The following CNTNAP2 variants were observed in gnomAD, a reference collection of about 807,000 sequenced individuals.
CNTNAP2 encodes the protein contactin-associated protein-like 2.
Under a neutral mutation model 155.2 loss-of-function variants are expected in CNTNAP2, and 98 were observed. That is an observed-to-expected ratio of 0.63 (90% CI 0.54 to 0.75). The LOEUF is 0.75. CNTNAP2 is among the 30% of genes least tolerant of loss of function. The pLI is 0.00. For missense variants in CNTNAP2, 1,727 were observed against 1,688.1 expected (o/e 1.02, Z -0.40); for synonymous variants, 651 against 631.2 (o/e 1.03, Z -0.47).
At chr7:148,131,849 TAAAA>T in intron 16 of CNTNAP2, among the ~76,000 whole-genome samples, 1 of 146,450 alleles carries the variant, frequency 6.8e-6, no homozygotes, top group South Asian at 2.2e-4. Flanking sequence ...AAGCTGGCTT[TAAAA>T]AAAAAAAGTA....
At chr7:148,326,296 A>T (rs932213743) in intron 21 of CNTNAP2, among the ~76,000 whole-genome samples, 1 of 152,126 alleles carries the variant, frequency 6.6e-6, no homozygotes, top group African/African-American at 2.4e-5. Context: ...TCCAGAGGGA[A>T]GCTGGATCTT....
At chr7:147,584,575 A>G (rs1406666000) in intron 12 of CNTNAP2, among the ~76,000 whole-genome samples, 1 of 152,234 alleles carries the variant, frequency 6.6e-6, no homozygotes, top group East Asian at 1.9e-4. Context: ...AGTCAAAGCC[A>G]TTACATGGTT....
intron 1 of CNTNAP2, among the ~76,000 whole-genome samples, chr7:146,492,896 T>C (rs2129131552): frequency 6.6e-6 from 1 of 152,338 alleles, no homozygotes; most frequent in African/African-American, 2.4e-5. Flanking sequence ...AAATATTTTC[T>C]GAATTTTTAT....
rs35183962 is a variant in CNTNAP2, at chr7:148,350,638, C to T, written c.3476-33011C>T. On this transcript the variant is annotated intron_variant, in intron 21 of 23. Coordinates refer to ENST00000361727, the MANE Select transcript of CNTNAP2 (RefSeq NM_014141.6). ...TGTTTTATGTTCAGAACCAACCTTT[C>T]GTAGTTATATCATTAGTTATTAGAG... is the stretch of plus-strand genomic sequence containing the variant. Among the ~76,000 whole-genome samples, 1,512 of 152,272 alleles carry T rather than the reference C, an allele frequency of 9.9e-3. 4 individuals carry two copies. The highest frequency in any genetic ancestry group is 0.014 in the African/African-American group (598 of 41,548).
At chr7:147,036,000 T>C (rs1799145819) in intron 3 of CNTNAP2, among the ~76,000 whole-genome samples, 1 of 152,216 alleles carries the variant, frequency 6.6e-6, no homozygotes, top group South Asian at 2.1e-4. Flanking sequence ...TTCTTAACTG[T>C]CAACTGGCTG....
intron 8 of CNTNAP2, among the ~76,000 whole-genome samples, chr7:147,266,211 C>A (rs1327126984): frequency 2.0e-5 from 3 of 152,104 alleles, no homozygotes; most frequent in Non-Finnish European, 4.4e-5. Context: ...TGTTCTAACC[C>A]AATACCAAAA....
intron 1 of CNTNAP2, among the ~76,000 whole-genome samples, chr7:146,482,106 A>T (rs1796968387): frequency 6.6e-6 from 1 of 151,994 alleles, no homozygotes; most frequent in South Asian, 2.1e-4. Context: ...TAGTCAAAGC[A>T]ACAGTCACAA....
intron 1 of CNTNAP2, among the ~76,000 whole-genome samples, chr7:146,269,724 T>C (rs942175951): frequency 6.6e-6 from 1 of 152,168 alleles, no homozygotes; most frequent in African/African-American, 2.4e-5. Context: ...TAAACAAATG[T>C]AAACATTATT....
At chr7:147,602,547 G>T (rs1425296800) in intron 12 of CNTNAP2, among the ~76,000 whole-genome samples, 1 of 149,816 alleles carries the variant, frequency 6.7e-6, no homozygotes, top group Non-Finnish European at 1.5e-5. Context: ...GTGCAGGTTA[G>T]TTACATATGT....
intron 3 of CNTNAP2, among the ~76,000 whole-genome samples, chr7:146,915,536 T>C (rs1249614840): frequency 6.6e-6 from 1 of 152,004 alleles, no homozygotes; most frequent in African/African-American, 2.4e-5. Flanking sequence ...ACCTCCTTGA[T>C]TAAGTATATT....
intron 10 of CNTNAP2, among the ~76,000 whole-genome samples, chr7:147,469,539 G>T (rs1798178762): frequency 2.5e-5 from 1 of 39,482 alleles, no homozygotes; most frequent in Non-Finnish European, 4.7e-5. Flanking sequence ...TTTTCTGTGA[G>T]ACAAAGTCTC....
intron 13 of CNTNAP2, among the ~76,000 whole-genome samples, chr7:147,791,341 T>C (rs2116573198): frequency 6.6e-6 from 1 of 152,250 alleles, no homozygotes; most frequent in South Asian, 2.1e-4. Context: ...AGACCTTCTT[T>C]GGGCTCCTGT....
intron 11 of CNTNAP2, among the ~76,000 whole-genome samples, chr7:147,502,739 G>GTATATATA (rs36141642): frequency 4.8e-5 from 4 of 83,002 alleles, no homozygotes; most frequent in African/African-American, 1.2e-4. Context: ...GTGTGTGTGT[G>GTATATATA]TGTATATATA....
At chr7:147,493,705 C>G (rs894494862) in intron 11 of CNTNAP2, among the ~76,000 whole-genome samples, 1 of 152,120 alleles carries the variant, frequency 6.6e-6, no homozygotes. Flanking sequence ...GTATTCTTAC[C>G]TCTTAGAATC....
chr7:147,383,115 A>G (rs1796565359), intron 9 of CNTNAP2, among the ~76,000 whole-genome samples: 1 of 151,242 alleles, frequency 6.6e-6, no homozygotes, highest in African/African-American at 2.5e-5. Context: ...TTAATATTAC[A>G]TCTTCACTTC....
At chr7:146,777,743 T>G (rs1802415081) in intron 2 of CNTNAP2, among the ~76,000 whole-genome samples, 1 of 152,040 alleles carries the variant, frequency 6.6e-6, no homozygotes, top group African/African-American at 2.4e-5. Context: ...TTTTGCATTT[T>G]TTAATAGAAA....
chr7:146,581,287 C>A (rs1400324319), intron 1 of CNTNAP2, among the ~76,000 whole-genome samples: 1 of 152,006 alleles, frequency 6.6e-6, no homozygotes, highest in Non-Finnish European at 1.5e-5. Context: ...GCAAGAAATG[C>A]CTTTCTCCAA....
At chr7:147,659,863 T>G (rs1795584777) in intron 13 of CNTNAP2, among the ~76,000 whole-genome samples, 2 of 152,078 alleles carry the variant, frequency 1.3e-5, no homozygotes, top group South Asian at 4.1e-4. Context: ...TTTGAAAGAA[T>G]AACAAAGAAA....
intron 13 of CNTNAP2, among the ~76,000 whole-genome samples, chr7:147,802,707 G>A (rs1441560671): frequency 1.3e-5 from 2 of 151,206 alleles, no homozygotes; most frequent in Admixed American, 6.6e-5. Flanking sequence ...GGAGGTTGCA[G>A]TGAGCCGAGA....
Sources: gnomAD v4.1 joint callset for allele counts (sites outside exome capture counted in the v4.1 genomes callset) on GRCh38, gnomAD v4.1.1 for gene constraint, MANE v1.5 for transcripts, NCBI Gene and HGNC (gene_info 2026-07-23, HGNC 2026-07-21) for gene names.